The following PTPRQ variants were observed in gnomAD, a reference collection of about 807,000 sequenced individuals.
PTPRQ encodes the protein phosphatidylinositol phosphatase PTPRQ.
In PTPRQ, 199 loss-of-function variants were observed where a neutral mutation model predicts 246.0. The observed-to-expected ratio is 0.81, with a 90% confidence interval of 0.72 to 0.91. The LOEUF (loss-of-function observed/expected upper bound fraction) is 0.91, where lower values mean the gene tolerates loss of function less well. Ranked by LOEUF, PTPRQ falls within the 40% of genes least tolerant of loss-of-function variation. The probability of loss-of-function intolerance (pLI) is 0.00; values close to 1 mark genes in which losing one functional copy is unlikely to be tolerated. For missense variants in PTPRQ, 2,624 were observed against 2,528.4 expected (o/e 1.04, Z -0.81); for synonymous variants, 869 against 853.2 (o/e 1.02, Z -0.32).
chr12:80,497,386 T>C (rs576558222), intron 14 of PTPRQ, among the ~76,000 whole-genome samples: 1 of 152,156 alleles, frequency 6.6e-6, no homozygotes, highest in South Asian at 2.1e-4. Context: ...GAAAATCTAA[T>C]GTCGACACTG....
intron 14 of PTPRQ, among the ~76,000 whole-genome samples, chr12:80,497,947 G>T (rs1399658487): frequency 6.6e-6 from 1 of 151,940 alleles, no homozygotes; most frequent in Non-Finnish European, 1.5e-5. Context: ...TAGTAAAGTA[G>T]CTTACTTTTG....
intron 14 of PTPRQ, among the ~76,000 whole-genome samples, chr12:80,497,564 A>T (rs1894668387): frequency 6.6e-6 from 1 of 151,992 alleles, no homozygotes; most frequent in Non-Finnish European, 1.5e-5. Context: ...AGGTTGCTGG[A>T]TGGGTTGGGA....
chr12:80,653,561 A>G (rs1477399873), intron 38 of PTPRQ, among the ~76,000 whole-genome samples: 3 of 152,220 alleles, frequency 2.0e-5, no homozygotes, highest in African/African-American at 7.2e-5. Context: ...GAGTTTTGAA[A>G]TGTTCCCAAT....
At chr12:80,447,403 A>G (rs530684238) in intron 3 of PTPRQ, among the ~76,000 whole-genome samples, 1 of 152,134 alleles carries the variant, frequency 6.6e-6, no homozygotes, top group South Asian at 2.1e-4. Flanking sequence ...TAGTTTAACT[A>G]AGTCCCATTT....
rs1328431150 is a variant in PTPRQ, at chr12:80,542,787, G to A, written c.3779G>A (p.Trp1260Ter). The A allele has an allele frequency of 1.3e-6, 2 of 1,549,268 alleles. No individual in the cohort carries two copies. Among genetic ancestry groups the A allele is most frequent in the East Asian group, 2.5e-5 (1 of 40,766 alleles). Residue 1260 changes from tryptophan to a stop codon, truncating the protein, a stop_gained, in exon 23 of 45, where the codon TGG becomes TAG. Coordinates refer to ENST00000644991, the MANE Select transcript of PTPRQ (RefSeq NM_001145026.2). LOFTEE classifies it high-confidence loss of function. ...ATCAACTGTACTTCAGACTTTGTAT[G>A]GCTGAAATGGAGCCCAAGTCCTCTT... Reference protein sequence around the residue: ...TLINCTSDFVWLKWSPSPLPG... With the variant: ...TLINCTSDFV
At chr12:80,661,762 TG>T (rs879290796) in intron 39 of PTPRQ, among the ~76,000 whole-genome samples, 19 of 151,802 alleles carry the variant, frequency 1.3e-4, no homozygotes, top group Non-Finnish European at 2.2e-4. Flanking sequence ...CTGTATAATA[TG>T]GATAAACTTT....
rs1379530664 is a variant in PTPRQ at position 80,632,279 on chromosome 12, T to C, written c.5774T>C (p.Phe1925Ser). Residue 1925 changes from phenylalanine (F) to serine (S), a missense_variant, in exon 34 of 45, where the codon TTT becomes TCT. Physicochemically the swap from Phe to Ser is radical, Grantham distance 155. Transcript: ENST00000644991. ...LSIILLGTAI[F>S]AFARIRQKQK... is the part of the protein sequence containing the mutation. ...ATAATTCTCCTTGGAACAGCTATTT[T>C]TGCATTTGCAAGGTAAGATTTATTT... is the stretch of plus-strand genomic sequence containing the variant. 1 of 1,551,344 alleles carries C rather than the reference T, an allele frequency of 6.4e-7. No individual in the cohort carries two copies. The highest frequency in any genetic ancestry group is 2.0e-5 in the Admixed American group (1 of 50,976).
At chr12:80,592,720 A>C (rs1006134333) in intron 26 of PTPRQ, among the ~76,000 whole-genome samples, 2 of 152,166 alleles carry the variant, frequency 1.3e-5, no homozygotes, top group African/African-American at 4.8e-5. Flanking sequence ...TCACTTAAAA[A>C]TGTGGCATGA....
intron 30 of PTPRQ, 42 bp downstream of exon 30, chr12:80,616,308 G>T: frequency 7.0e-7 from 1 of 1,430,098 alleles, no homozygotes; most frequent in Non-Finnish European, 9.2e-7. Context: ...CTATTAATCA[G>T]TGATTATAAT....
intron 9 of PTPRQ, among the ~76,000 whole-genome samples, chr12:80,488,755 A>G (rs545473666): frequency 6.6e-6 from 1 of 152,086 alleles, no homozygotes; most frequent in African/African-American, 2.4e-5. Flanking sequence ...TGATCTCATT[A>G]CCCTTATTGA....
intron 7 of PTPRQ, among the ~76,000 whole-genome samples, chr12:80,470,257 C>A (rs1042663961): frequency 2.6e-5 from 4 of 152,046 alleles, no homozygotes; most frequent in African/African-American, 9.7e-5. Flanking sequence ...GATAATTTGT[C>A]CATACTAACA....
intron 4 of PTPRQ, 74 bp from the exon 5 acceptor site, chr12:80,459,210 A>G: frequency 2.5e-6 from 1 of 397,102 alleles, no homozygotes; most frequent in Admixed American, 4.4e-5. Flanking sequence ...AATTTCATGT[A>G]CCATGAAATT....
intron 3 of PTPRQ, among the ~76,000 whole-genome samples, chr12:80,448,598 C>A (rs1892632202): frequency 6.7e-6 from 1 of 148,516 alleles, no homozygotes; most frequent in Admixed American, 6.8e-5. Context: ...TTGTTCAATT[C>A]CCACCTATGA....
intron 33 of PTPRQ, among the ~76,000 whole-genome samples, chr12:80,628,574 C>A (rs1163981076): frequency 6.6e-6 from 1 of 152,076 alleles, no homozygotes; most frequent in Admixed American, 6.6e-5. Flanking sequence ...GATCTTCAAA[C>A]ACGAACATTT....
chr12:80,613,717 T>TA lies in PTPRQ; in HGVS notation c.5045dup (p.Tyr1682Ter). 1 of 1,546,346 alleles carries TA rather than the reference T, an allele frequency of 6.5e-7. No individual in the cohort carries two copies. Among genetic ancestry groups the TA allele is most frequent in the Non-Finnish European group, 8.7e-7 (1 of 1,143,326 alleles). Residue 1682 changes from tyrosine (Y) to a stop codon, truncating the protein, a stop_gained and frameshift_variant, in exon 29 of 45, where the codon TAC becomes TAAC. Coordinates refer to ENST00000644991, the MANE Select transcript of PTPRQ (RefSeq NM_001145026.2). LOFTEE classifies it high-confidence loss of function. ...TATCCAAGTATATCAAGCTCTGGTT[T>TA]ACCGAGAAGATGATCCTACTGCTGT... ...GNIQVYQALV[Y>*]REDDPTAVQI...
rs184218608 is a variant in PTPRQ, at chr12:80,600,241, T to C, written c.4610-4818T>C. ...ATTATATGTGTTGTCATGAATGATCTTTGAATGTCATTTTTCTCTTACCTC... is the reference window on the plus strand; with the variant it reads ...ATTATATGTGTTGTCATGAATGATCCTTGAATGTCATTTTTCTCTTACCTC... On this transcript the variant is annotated intron_variant, in intron 26 of 44. Transcript: ENST00000644991. Among the ~76,000 whole-genome samples the C allele has an allele frequency of 1.1e-4, 17 of 151,884 alleles. No individual in the cohort carries two copies. The East Asian group carries it at 3.3e-3, about 30-fold the overall frequency.
At chr12:80,568,554 A>C (rs984324131) in intron 25 of PTPRQ, among the ~76,000 whole-genome samples, 1 of 152,188 alleles carries the variant, frequency 6.6e-6, no homozygotes. Context: ...TTGGCTGCAT[A>C]TGTAAAGTTT....
At chr12:80,657,902 C>G in intron 38 of PTPRQ, 83 bp from the exon 39 acceptor site, 4 of 1,010,140 alleles carry the variant, frequency 4.0e-6, no homozygotes, top group Non-Finnish European at 5.4e-6. Context: ...ATATTATGAA[C>G]TCCTTTGTAT....
rs11114502 is a variant in PTPRQ, at chr12:80,541,521, A to T, written c.3155-34A>T. 952,056 of 1,396,312 alleles carry T rather than the reference A, an allele frequency of 0.68. 337,267 individuals carry two copies. Among genetic ancestry groups the T allele is most frequent in the Non-Finnish European group, 0.72 (768,778 of 1,068,836 alleles). 86.5% of individuals were successfully genotyped at this position (1,396,312 alleles called of 1,614,324 possible). A position where few individuals can be genotyped will look rare whatever the true frequency, so the allele number is the denominator to read the frequency against. ...ATTTAGATTCTGTTTAGGGTAACTG[A>T]TGATTTTTGTATTTTGCCCATTACC... On this transcript the variant is annotated intron_variant, in intron 20 of 44. Coordinates refer to ENST00000644991, the MANE Select transcript of PTPRQ (RefSeq NM_001145026.2).
Sources: gnomAD v4.1 joint callset for allele counts (sites outside exome capture counted in the v4.1 genomes callset) on GRCh38, gnomAD v4.1.1 for gene constraint, MANE v1.5 for transcripts, NCBI Gene and HGNC (gene_info 2026-07-23, HGNC 2026-07-21) for gene names.